ARSH: variants seen among roughly 807,000 people sequenced by gnomAD.
ARSH encodes arylsulfatase family member H.
Under a neutral mutation model 28.7 loss-of-function variants are expected in ARSH, and 32 were observed. That is an observed-to-expected ratio of 1.11 (90% CI 0.84 to 1.50). The LOEUF is 1.50. Ranked by LOEUF, ARSH falls within the 40% of genes most tolerant of loss-of-function variation. The pLI, the probability that ARSH is intolerant of heterozygous loss-of-function variation, is 0.00. For synonymous variants in ARSH, 176 were observed against 177.3 expected, an observed-to-expected ratio of 0.99 and a Z score of 0.06; for missense variants, 440 against 452.4, an observed-to-expected ratio of 0.97 and a Z score of 0.25.
intron 1 of ARSH, among the ~76,000 whole-genome samples, chrX:3,008,904 A>G (rs1173194264): frequency 9.0e-6 from 1 of 110,546 alleles, no homozygotes; most frequent in East Asian, 2.8e-4. Flanking sequence ...GGGATTATGG[A>G]AAAAAAATGT....
intron 3 of ARSH, among the ~76,000 whole-genome samples, chrX:3,013,792 T>C (rs1387647331): frequency 1.8e-5 from 2 of 110,889 alleles, no homozygotes; most frequent in African/African-American, 6.6e-5. Flanking sequence ...CTCCGAGATA[T>C]CCCCAGTTAA....
intron 8 of ARSH, 118 bp downstream of exon 8, chrX:3,029,486 T>A: frequency 2.1e-6 from 2 of 942,886 alleles, no homozygotes; most frequent in Non-Finnish European, 2.9e-6. Flanking sequence ...TGGTTCTTTT[T>A]CGCTGAGAAA....
At chrX:3,016,239 T>C (rs2147455469) in intron 4 of ARSH, among the ~76,000 whole-genome samples, 1 of 110,508 alleles carries the variant, frequency 9.0e-6, no homozygotes, top group Admixed American at 9.7e-5. Context: ...CTCAAGTTCC[T>C]GGGCTCAAGT....
At chrX:3,009,775 C>T (rs1258451890) in intron 1 of ARSH, among the ~76,000 whole-genome samples, 12 of 111,771 alleles carry the variant, frequency 1.1e-4, no homozygotes, top group African/African-American at 3.6e-4. Context: ...TTCTCAGACT[C>T]ATAAAACTGT....
At chrX:3,025,185 T>C (rs749529981) in intron 6 of ARSH, among the ~76,000 whole-genome samples, 127 of 108,099 alleles carry the variant, frequency 1.2e-3, no homozygotes, top group East Asian at 4.8e-3. Context: ...ATAACACATA[T>C]AATCCTATAT....
intron 1 of ARSH, 83 bp from the exon 2 acceptor site, chrX:3,009,947 C>T (rs746659266): frequency 1.8e-6 from 2 of 1,103,684 alleles, no homozygotes; most frequent in East Asian, 6.1e-5. Context: ...TCAACTTGAC[C>T]CAAAATAGAA....
intron 7 of ARSH, 41 bp from the exon 8 acceptor site, chrX:3,029,206 G>A: frequency 8.5e-7 from 1 of 1,176,762 alleles, no homozygotes; most frequent in East Asian, 3.0e-5. Context: ...ACTGAACCAT[G>A]CCTCTCTCAT....
At chrX:3,023,214 C>T (rs1215106973) in intron 5 of ARSH, among the ~76,000 whole-genome samples, 1 of 100,115 alleles carries the variant, frequency 1.0e-5, no homozygotes, top group African/African-American at 3.6e-5. Flanking sequence ...TAATATGTGA[C>T]ACATATCATT....
chrX:3,018,400 G>A (rs2089871652), intron 4 of ARSH, 134 bp from the exon 5 acceptor site: 1 of 541,925 alleles, frequency 1.8e-6, no homozygotes, highest in Admixed American at 3.2e-5. Context: ...CACAGGAGTG[G>A]TATTGTCATC....
intron 2 of ARSH, among the ~76,000 whole-genome samples, chrX:3,012,078 C>G (rs1398605023): frequency 8.9e-6 from 1 of 111,792 alleles, no homozygotes; most frequent in African/African-American, 3.2e-5. Flanking sequence ...CTCAGGTGAT[C>G]CAACCACTTT....
chrX:3,030,371 T>G (rs1020774428), intron 8 of ARSH, among the ~76,000 whole-genome samples: 1 of 111,355 alleles, frequency 9.0e-6, no homozygotes, highest in African/African-American at 3.3e-5. Flanking sequence ...CAGCTTACTG[T>G]GTGAGAGTTA....
intron 3 of ARSH, among the ~76,000 whole-genome samples, chrX:3,014,518 G>A (rs1302861867): frequency 1.8e-5 from 2 of 111,177 alleles, no homozygotes; most frequent in Non-Finnish European, 3.8e-5. Flanking sequence ...ACCTTTCAGT[G>A]AGATGGAATA....
At chrX:3,009,107 G>T (rs2089839098) in intron 1 of ARSH, among the ~76,000 whole-genome samples, 1 of 111,399 alleles carries the variant, frequency 9.0e-6, no homozygotes, top group Non-Finnish European at 1.9e-5. Context: ...ATTAATGGGA[G>T]GCTGAAGTGG....
intron 8 of ARSH, 134 bp downstream of exon 8, chrX:3,029,502 A>T: frequency 1.3e-6 from 1 of 767,371 alleles, no homozygotes; most frequent in South Asian, 3.5e-5. Context: ...AGAAAGCCAC[A>T]TAAACAGTGC....
At chrX:3,019,264 CAAAAAAAAAA>C (rs146298584) in intron 5 of ARSH, among the ~76,000 whole-genome samples, 1 of 69,642 alleles carries the variant, frequency 1.4e-5, no homozygotes, top group Non-Finnish European at 2.7e-5. Flanking sequence ...GATTCTGTTT[CAAAAAAAAAA>C]AAAAAAAAAA....
At chrX:3,017,525 C>T (rs898624195) in intron 4 of ARSH, among the ~76,000 whole-genome samples, 1 of 111,925 alleles carries the variant, frequency 8.9e-6, no homozygotes, top group African/African-American at 3.2e-5. Flanking sequence ...CACTGCACTC[C>T]AGCCTGGGCA....
chrX:3,014,843 G>GA, intron 3 of ARSH, 127 bp from the exon 4 acceptor site: 3 of 701,012 alleles, frequency 4.3e-6, no homozygotes, highest in East Asian at 3.5e-5. Flanking sequence ...GGGATATCAA[G>GA]AAAAAACCAT....
At position 3,034,097 on chromosome X, in the gene ARSH, T is replaced by C. The variant is rs1278163113; in HGVS notation, c.*712T>C. Among the ~76,000 whole-genome samples, 1 of 112,209 alleles carries C rather than the reference T, an allele frequency of 8.9e-6. No homozygotes were observed. Among genetic ancestry groups the C allele is most frequent in the African/African-American group, 3.2e-5 (1 of 30,912 alleles). ...TTGTGTAGAATAAGCAGTCAATAAA[T>C]GTTATTATTACAAATGTTGTTGTAA... On this transcript the variant is annotated 3_prime_UTR_variant, in exon 9 of 9. Transcript: ENST00000381130.
At chrX:3,012,211 G>A (rs902099657) in intron 2 of ARSH, among the ~76,000 whole-genome samples, 1 of 110,022 alleles carries the variant, frequency 9.1e-6, no homozygotes, top group African/African-American at 3.3e-5. Flanking sequence ...AACTATAGGT[G>A]TATAATATTG....
Sources: gnomAD v4.1 joint callset for allele counts (sites outside exome capture counted in the v4.1 genomes callset) on GRCh38, gnomAD v4.1.1 for gene constraint, MANE v1.5 for transcripts, NCBI Gene and HGNC (gene_info 2026-07-23, HGNC 2026-07-21) for gene names.